Variants in MDH2 observed in about 807,000 individuals in gnomAD.
MDH2 encodes malate dehydrogenase 2.
Under a neutral mutation model 33.6 loss-of-function variants are expected in MDH2, and 25 were observed. The ratio of observed to expected loss-of-function variants is 0.74; its 90% confidence interval spans 0.54 to 1.04. The LOEUF (loss-of-function observed/expected upper bound fraction) is 1.04, where lower values mean the gene tolerates loss of function less well. Among genes scored for constraint, MDH2 ranks in the 50% least tolerant of loss-of-function variants. MDH2 has a pLI of 0.00. For synonymous variants in MDH2, 193 were observed against 188.7 expected (o/e 1.02, Z -0.19); for missense variants, 432 against 445.0 (o/e 0.97, Z 0.26).
intron 1 of MDH2, among the ~76,000 whole-genome samples, chr7:76,049,893 G>A (rs782412080): frequency 1.3e-5 from 2 of 152,164 alleles, no homozygotes; most frequent in African/African-American, 4.8e-5. Flanking sequence ...GTGCAGTGGC[G>A]TGATCTCGGT....
chr7:76,052,833 C>A (rs113838084), intron 1 of MDH2, among the ~76,000 whole-genome samples: 44 of 152,152 alleles, frequency 2.9e-4, no homozygotes, highest in Non-Finnish European at 5.6e-4. Flanking sequence ...TGAGCCACCA[C>A]GCCCAGCCCA....
chr7:76,054,717 C>A, intron 1 of MDH2, 113 bp from the exon 2 acceptor site: 1 of 1,188,592 alleles, frequency 8.4e-7, no homozygotes, highest in Non-Finnish European at 1.2e-6. Flanking sequence ...ATGATTGTAT[C>A]TTGCTTTGGC....
chr7:76,056,573 C>T (rs138715457), intron 2 of MDH2, among the ~76,000 whole-genome samples: 2 of 152,190 alleles, frequency 1.3e-5, no homozygotes, highest in Non-Finnish European at 1.5e-5. Flanking sequence ...AAGTCAAGAT[C>T]GAAGCAGATT....
chr7:76,048,282 C>A lies in MDH2; in HGVS notation c.66+56C>A, dbSNP rs1373803776. ...GAGGCCCCCCGGCCCGGGCCACGTG[C>A]GTCCCCGGTTCGCGGGCAGCTCTGA... On this transcript the variant is annotated intron_variant, in intron 1 of 8. Coordinates refer to ENST00000315758, the MANE Select transcript of MDH2 (RefSeq NM_005918.4). The A allele has an allele frequency of 3.3e-6, 5 of 1,511,260 alleles. No homozygotes were observed. In the Admixed American group the frequency reaches 1.0e-4, roughly 31 times the overall value. 93.6% of individuals were successfully genotyped at this position (1,511,260 alleles called of 1,614,324 possible).
At chr7:76,048,351 C>T in intron 1 of MDH2, 125 bp downstream of exon 1, 2 of 1,356,668 alleles carry the variant, frequency 1.5e-6, no homozygotes, top group Non-Finnish European at 1.9e-6. Context: ...CCGGCACTGG[C>T]TGGAGACTGT....
intron 1 of MDH2, 194 bp downstream of exon 1, chr7:76,048,420 A>T: frequency 8.9e-7 from 1 of 1,123,904 alleles, no homozygotes; most frequent in Non-Finnish European, 1.2e-6. Context: ...GCCGGGGAAA[A>T]GGGGGCGAGG....
intron 4 of MDH2, among the ~76,000 whole-genome samples, chr7:76,058,999 A>G (rs1469876944): frequency 2.0e-5 from 3 of 152,222 alleles, no homozygotes; most frequent in African/African-American, 7.2e-5. Flanking sequence ...GCCAGTGTGC[A>G]GTGGTGCGAC....
At chr7:76,066,239 T>G in intron 8 of MDH2, 40 bp from the exon 9 acceptor site, 1 of 1,595,622 alleles carries the variant, frequency 6.3e-7, no homozygotes, top group Non-Finnish European at 8.6e-7. Flanking sequence ...ACAAGCACTT[T>G]CCTGGAAACT....
At chr7:76,052,057 G>A (rs782368300) in intron 1 of MDH2, among the ~76,000 whole-genome samples, 3 of 152,204 alleles carry the variant, frequency 2.0e-5, no homozygotes, top group Admixed American at 6.5e-5. Context: ...AGAAACCAGT[G>A]AGGCAGTCTT....
At chr7:76,049,864 G>A (rs955082870) in intron 1 of MDH2, among the ~76,000 whole-genome samples, 3 of 152,060 alleles carry the variant, frequency 2.0e-5, no homozygotes, top group South Asian at 2.1e-4. Flanking sequence ...GCAGTGCCTC[G>A]CCCTGTCGAC....
chr7:76,057,918 C>CTGGAAATTTGTGG, intron 3 of MDH2, 51 bp from the exon 4 acceptor site: 1 of 1,562,254 alleles, frequency 6.4e-7, no homozygotes, highest in Non-Finnish European at 8.8e-7. Flanking sequence ...TGCTGCCTGT[C>CTGGAAATTTGTGG]TGGAAATTTG....
intron 1 of MDH2, 73 bp downstream of exon 1, chr7:76,048,299 C>A: frequency 9.4e-6 from 14 of 1,494,184 alleles, no homozygotes; most frequent in Non-Finnish European, 1.2e-5. Context: ...GGTTCGCGGG[C>A]AGCTCTGACC....
Position 76,054,965 on chromosome 7 carries a change from C to A in MDH2, c.202C>A (p.Leu68Met), listed in dbSNP as rs1554586014. 2 of 1,613,974 alleles carry A rather than the reference C, an allele frequency of 1.2e-6. No individual in the cohort carries two copies. Among genetic ancestry groups the A allele is most frequent in the Admixed American group, 1.7e-5 (1 of 59,978 alleles). The change falls in exon 2 of 9, where the codon CTG becomes ATG. Residue 68 changes from leucine to methionine, a missense_variant. Leu to Met is a conservative substitution (Grantham distance 15). Transcript: ENST00000315758. ...GCACACACCCGGAGTGGCCGCAGAT[C>A]TGAGCCACATCGAGACCAAAGCCGC... ...IAHTPGVAADLSHIETKAAVK... is the reference protein window; with the variant it reads ...IAHTPGVAADMSHIETKAAVK...
intron 1 of MDH2, among the ~76,000 whole-genome samples, chr7:76,050,092 C>T (rs1438405592): frequency 1.3e-5 from 2 of 152,052 alleles, no homozygotes; most frequent in African/African-American, 2.4e-5. Context: ...AGTGCAGTGG[C>T]GCCATCTTGG....
At position 76,048,657 on chromosome 7, in the gene MDH2, A is replaced by C. The variant is rs1585392398; in HGVS notation, c.66+431A>C. 5 of 1,261,172 alleles carry C rather than the reference A, an allele frequency of 4.0e-6. No homozygotes were observed. The South Asian group carries it at 1.6e-4, about 40-fold the overall frequency. The allele number at this position is 1,261,172 out of a possible 1,614,324, so 78.1% of individuals were successfully genotyped here. ...GAATAAAAGAAATCGTATACTTCCTAATTCCATAGTATGGACAAACCGAGG... is the reference window on the plus strand; with the variant it reads ...GAATAAAAGAAATCGTATACTTCCTCATTCCATAGTATGGACAAACCGAGG... On this transcript the variant is annotated intron_variant, in intron 1 of 8. Transcript: ENST00000315758.
intron 1 of MDH2, among the ~76,000 whole-genome samples, chr7:76,049,373 C>T (rs1159649173): frequency 6.6e-6 from 1 of 152,108 alleles, no homozygotes; most frequent in Non-Finnish European, 1.5e-5. Flanking sequence ...CATTAAGTAC[C>T]TGTGCTTGCC....
In MDH2 at chr7:76,066,567, C is replaced by A. The variant is rs1798102884; in HGVS notation, c.*157C>A. On this transcript the variant is annotated 3_prime_UTR_variant, in exon 9 of 9. Coordinates refer to ENST00000315758, the MANE Select transcript of MDH2 (RefSeq NM_005918.4). ...ATTGTGGGTGGCTCTGTGGGCGCAT[C>A]AATAAAAGCCGTCCTTGATTTTATT... 1.2e-6 allele frequency: 1 copy of A among 848,182 alleles called. No individual in the cohort carries two copies. Among genetic ancestry groups the A allele is most frequent in the Non-Finnish European group, 1.7e-6 (1 of 601,558 alleles). 52.5% of individuals were successfully genotyped at this position (848,182 alleles called of 1,614,324 possible).
chr7:76,053,422 G>A (rs142294001), intron 1 of MDH2, among the ~76,000 whole-genome samples: 40 of 152,284 alleles, frequency 2.6e-4, no homozygotes, highest in African/African-American at 7.2e-5. Context: ...GGTTCTGAGC[G>A]GGTCTGACAG....
intron 2 of MDH2, among the ~76,000 whole-genome samples, chr7:76,056,267 A>C (rs1347204579): frequency 6.6e-6 from 1 of 152,212 alleles, no homozygotes; most frequent in Non-Finnish European, 1.5e-5. Flanking sequence ...TTATCTTTAC[A>C]TCTTGTTGAA....
Sources: allele counts gnomAD v4.1 joint callset (sites outside exome capture counted in the v4.1 genomes callset), GRCh38; gene constraint gnomAD v4.1.1; transcripts MANE v1.5; gene names NCBI Gene and HGNC (gene_info 2026-07-23, HGNC 2026-07-21).